The following ITGBL1 variants were observed in gnomAD, a reference collection of about 807,000 sequenced individuals.
ITGBL1 encodes the protein integrin beta-like protein 1.
A neutral mutation model predicts 68.5 loss-of-function variants in ITGBL1; 51 were observed. The ratio of observed to expected loss-of-function variants is 0.74; its 90% confidence interval spans 0.59 to 0.94. The LOEUF (loss-of-function observed/expected upper bound fraction) is 0.94, where lower values mean the gene tolerates loss of function less well. ITGBL1 is among the 40% of genes least tolerant of loss of function. The pLI is 0.00. For synonymous variants in ITGBL1, 209 were observed against 227.3 expected (o/e 0.92, Z 0.72); for missense variants, 649 against 647.4 (o/e 1.00, Z -0.03).
chr13:101,576,952 GGAAA>G (rs2050371572), intron 4 of ITGBL1, among the ~76,000 whole-genome samples: 2 of 126,152 alleles, frequency 1.6e-5, no homozygotes, highest in Non-Finnish European at 3.4e-5. Context: ...TATTATAGAT[GGAAA>G]AAAAAAAAAA....
chr13:101,650,495 T>C (rs1211088699), intron 7 of ITGBL1, among the ~76,000 whole-genome samples: 1 of 152,192 alleles, frequency 6.6e-6, no homozygotes, highest in Non-Finnish European at 1.5e-5. Context: ...TAATTACTTT[T>C]CTTTAGCATT....
At chr13:101,607,387 A>G (rs1360616341) in intron 7 of ITGBL1, among the ~76,000 whole-genome samples, 1 of 152,068 alleles carries the variant, frequency 6.6e-6, no homozygotes, top group Non-Finnish European at 1.5e-5. Context: ...GACAATATAT[A>G]TTAAACATAT....
At chr13:101,480,391 T>C (rs1472881306) in intron 2 of ITGBL1, among the ~76,000 whole-genome samples, 1 of 151,878 alleles carries the variant, frequency 6.6e-6, no homozygotes, top group Admixed American at 6.6e-5. Flanking sequence ...TTAGATACAG[T>C]GTATAAGATC....
At chr13:101,480,263 A>T (rs2048599143) in intron 2 of ITGBL1, among the ~76,000 whole-genome samples, 1 of 152,086 alleles carries the variant, frequency 6.6e-6, no homozygotes, top group African/African-American at 2.4e-5. Flanking sequence ...GGGAGCTAAA[A>T]ATCAATGCAA....
chr13:101,512,958 GT>G (rs897589917), intron 2 of ITGBL1, among the ~76,000 whole-genome samples: 53 of 152,170 alleles, frequency 3.5e-4, no homozygotes, highest in African/African-American at 1.3e-3. Flanking sequence ...CTGGTGAATC[GT>G]TTTGTCTGGG....
intron 6 of ITGBL1, 121 bp downstream of exon 6, chr13:101,583,477 G>C: frequency 2.9e-6 from 2 of 682,136 alleles, no homozygotes; most frequent in Non-Finnish European, 4.6e-6. Context: ...GCACAATAGG[G>C]TGACTATAGT....
chr13:101,603,497 C>A (rs956666781), intron 7 of ITGBL1, among the ~76,000 whole-genome samples: 4 of 151,892 alleles, frequency 2.6e-5, no homozygotes, highest in African/African-American at 9.7e-5. Flanking sequence ...CATTATAGTG[C>A]TGCATAAGCC....
At chr13:101,644,433 A>G (rs2032491931) in intron 7 of ITGBL1, among the ~76,000 whole-genome samples, 1 of 152,186 alleles carries the variant, frequency 6.6e-6, no homozygotes, top group South Asian at 2.1e-4. Context: ...GGTGAGATCA[A>G]ATGATTGCGA....
chr13:101,550,655 A>G (rs2049906037), intron 2 of ITGBL1, among the ~76,000 whole-genome samples: 2 of 152,182 alleles, frequency 1.3e-5, no homozygotes, highest in African/African-American at 2.4e-5. Context: ...GTTCTCCAAG[A>G]TATATTGTAG....
chr13:101,474,563 C>A (rs1253694729), intron 2 of ITGBL1, among the ~76,000 whole-genome samples: 1 of 152,126 alleles, frequency 6.6e-6, no homozygotes, highest in Admixed American at 6.5e-5. Context: ...AGCCCCTGGG[C>A]CTTGAACAAA....
chr13:101,473,830 G>T (rs888571069), intron 2 of ITGBL1, among the ~76,000 whole-genome samples: 2 of 152,164 alleles, frequency 1.3e-5, no homozygotes, highest in Non-Finnish European at 2.9e-5. Flanking sequence ...CGAGGCACTA[G>T]CTCCTTGTGC....
intron 7 of ITGBL1, among the ~76,000 whole-genome samples, chr13:101,673,362 G>A (rs2033423553): frequency 6.6e-6 from 1 of 152,170 alleles, no homozygotes; most frequent in South Asian, 2.1e-4. Context: ...AGCATCTCTA[G>A]TACAACTGTT....
chr13:101,515,573 A>T (rs190141194), intron 2 of ITGBL1, among the ~76,000 whole-genome samples: 3 of 151,198 alleles, frequency 2.0e-5, no homozygotes, highest in African/African-American at 7.3e-5. Flanking sequence ...GGTATCTGCC[A>T]TTTTTTTTTC....
At chr13:101,630,213 CT>C (rs2031931635) in intron 7 of ITGBL1, among the ~76,000 whole-genome samples, 1 of 152,096 alleles carries the variant, frequency 6.6e-6, no homozygotes, top group African/African-American at 2.4e-5. Flanking sequence ...CCTAAGATTA[CT>C]TTTTCTATTG....
At chr13:101,531,296 T>G (rs2049471249) in intron 2 of ITGBL1, among the ~76,000 whole-genome samples, 1 of 152,222 alleles carries the variant, frequency 6.6e-6, no homozygotes, top group African/African-American at 2.4e-5. Context: ...ATATTTCTGC[T>G]GCTGCTCCAC....
Position 101,583,269 on chromosome 13 carries a change from T to G in ITGBL1, c.781T>G (p.Trp261Gly). 1 of 1,613,756 alleles carries G rather than the reference T, an allele frequency of 6.2e-7. No homozygotes were observed. Among genetic ancestry groups the G allele is most frequent in the Non-Finnish European group, 8.5e-7 (1 of 1,179,764 alleles). The change falls in exon 6 of 11, where the codon TGG (tryptophan) becomes GGG (glycine). Residue 261 changes from tryptophan to glycine, a missense_variant. Trp to Gly is a radical substitution (Grantham distance 184, BLOSUM62 -2). Coordinates refer to ENST00000376180, the MANE Select transcript of ITGBL1 (RefSeq NM_004791.3). ...TCHDVDPTGDWGDIHGDTCEC... is the reference protein window; with the variant it reads ...TCHDVDPTGDGGDIHGDTCEC... ...TCACGATGTTGATCCGACTGGGGAC[T>G]GGGGAGATATTCATGGGGACACCTG... is the stretch of plus-strand genomic sequence containing the variant.
chr13:101,647,503 T>C (rs546153712), intron 7 of ITGBL1, among the ~76,000 whole-genome samples: 3 of 152,092 alleles, frequency 2.0e-5, no homozygotes, highest in Admixed American at 6.6e-5. Flanking sequence ...AAAAATATAT[T>C]TGAAGGAATG....
intron 9 of ITGBL1, among the ~76,000 whole-genome samples, chr13:101,707,291 A>AG (rs1429826822): frequency 2.4e-4 from 37 of 152,292 alleles, no homozygotes; most frequent in African/African-American, 7.5e-4. Context: ...AGTAATCACA[A>AG]GCATCTGAGC....
rs112677432 is a variant in ITGBL1 at position 101,654,738 on chromosome 13, C to T, written c.1016-37847C>T. On this transcript the variant is annotated intron_variant, in intron 7 of 10. Transcript: ENST00000376180. Reference sequence around the variant, plus strand: ...AAGTCTGTGTTAGACATGTAGATGTCATGTCTTCAGAATGCAGATCGGTGT... The same window carrying T: ...AAGTCTGTGTTAGACATGTAGATGTTATGTCTTCAGAATGCAGATCGGTGT... Among the ~76,000 whole-genome samples the T allele has an allele frequency of 1.9e-3, 284 of 152,200 alleles. 1 individual carries two copies. The highest frequency in any genetic ancestry group is 6.4e-3 in the African/African-American group (266 of 41,530).
Sources: gnomAD v4.1 joint callset for allele counts (sites outside exome capture counted in the v4.1 genomes callset) on GRCh38, gnomAD v4.1.1 for gene constraint, MANE v1.5 for transcripts, NCBI Gene and HGNC (gene_info 2026-07-23, HGNC 2026-07-21) for gene names.